PLXNB1: variants seen among roughly 807,000 people sequenced by gnomAD.
The protein encoded by PLXNB1 is plexin B1.
A neutral mutation model predicts 209.4 loss-of-function variants in PLXNB1; 106 were observed. The observed-to-expected ratio is 0.51, with a 90% CI of 0.43 to 0.59. The LOEUF is 0.59. PLXNB1 is among the 20% of genes least tolerant of loss of function. The pLI, the probability that PLXNB1 is intolerant of heterozygous loss-of-function variation, is 0.00. For missense variants in PLXNB1, 2,357 were observed against 2,853.2 expected (o/e 0.83, Z 3.96); for synonymous variants, 1,167 against 1,183.2 (o/e 0.99, Z 0.28).
At position 48,417,355 on chromosome 3, in the gene PLXNB1, C is replaced by A. The variant is rs1012389215; in HGVS notation, c.3374+556G>T. Among the ~76,000 whole-genome samples the A allele has an allele frequency of 6.6e-6, 1 of 152,226 alleles. No homozygotes were observed. Among genetic ancestry groups the A allele is most frequent in the African/African-American group, 2.4e-5 (1 of 41,458 alleles). ...CTTATGGACATCTCCTTAGGAATGT[C>A]CTGCGTGTGTACCTTTGGGGCCTGC... On this transcript the variant is annotated intron_variant, in intron 16 of 37. Transcript: ENST00000296440. This position sits in a 1 kb window ranked among gnomAD's most constrained non-coding sequence, Gnocchi z 4.4.
At chr3:48,412,373 C>G in intron 26 of PLXNB1, 69 bp from the exon 27 acceptor site, 4 of 1,610,630 alleles carry the variant, frequency 2.5e-6, no homozygotes, top group Non-Finnish European at 8.5e-7. Context: ...TCCTGCAGAC[C>G]CCCCAGCCCG....
At position 48,409,266 on chromosome 3, in the gene PLXNB1, G is replaced by A; in HGVS notation, c.6087+63C>T. The A allele has an allele frequency of 6.4e-7, 1 of 1,572,926 alleles. No homozygotes were observed. Among genetic ancestry groups the A allele is most frequent in the Middle Eastern group, 2.1e-4 (1 of 4,692 alleles). Reference sequence around the variant, plus strand: ...AAGTTCTCAGAAAAGCCTGGAATCTGAGTGCACACACAGCACTGTCCACCC... The same window carrying A: ...AAGTTCTCAGAAAAGCCTGGAATCTAAGTGCACACACAGCACTGTCCACCC... On this transcript the variant is annotated intron_variant, in intron 34 of 37. Transcript: ENST00000296440. The surrounding 1 kb of genome is among the most constrained non-coding windows in gnomAD (Gnocchi z 5.8).
At chr3:48,423,035 G>A in intron 3 of PLXNB1, 88 bp from the exon 4 acceptor site, 1 of 1,181,008 alleles carries the variant, frequency 8.5e-7, no homozygotes, top group Non-Finnish European at 1.2e-6. Flanking sequence ...CCCTCCCCCA[G>A]CCGCTCTGGT....
chr3:48,427,812 G>A (rs527559455), intron 1 of PLXNB1, among the ~76,000 whole-genome samples: 125 of 152,308 alleles, frequency 8.2e-4, no homozygotes, highest in African/African-American at 2.7e-3. Context: ...GGCTCCTGAG[G>A]AGGCCGCTGC....
At chr3:48,412,036 C>A (rs370056801) in intron 27 of PLXNB1, 27 bp from the exon 28 acceptor site, 14 of 1,612,956 alleles carry the variant, frequency 8.7e-6, no homozygotes, top group Admixed American at 1.7e-5. Context: ...AGTTAGGGCC[C>A]CCCAGCAGGT....
chr3:48,422,510 C>G (rs1426294270), intron 4 of PLXNB1, 51 bp from the exon 5 acceptor site: 16 of 1,512,112 alleles, frequency 1.1e-5, no homozygotes, highest in Non-Finnish European at 1.4e-5. Flanking sequence ...GCCAGAGGCC[C>G]AAAGCCCTCC....
rs763179558 is a variant in PLXNB1 at position 48,415,143 on chromosome 3, G to A, written c.3966+33C>T. 6 of 1,607,820 alleles carry A rather than the reference G, an allele frequency of 3.7e-6. No individual in the cohort carries two copies. ...TCCCCAGGGTGTGGTATGGGGCAAG[G>A]GGAGAGTGTGGGGGTACCCAAGGGT... is the stretch of plus-strand genomic sequence containing the variant. On this transcript the variant is annotated intron_variant, in intron 20 of 37. Coordinates refer to ENST00000296440, the MANE Select transcript of PLXNB1 (RefSeq NM_001130082.3). This position sits in a 1 kb window ranked among gnomAD's most constrained non-coding sequence, Gnocchi z 5.0.
At chr3:48,425,572 G>C (rs908961643) in intron 1 of PLXNB1, among the ~76,000 whole-genome samples, 2 of 151,870 alleles carry the variant, frequency 1.3e-5, no homozygotes, top group African/African-American at 4.8e-5. Flanking sequence ...GCCTGGGAAA[G>C]GTCAGCTAGG....
rs939631812 is a variant in PLXNB1, at chr3:48,424,259, AC to A, written c.352del (p.Val118SerfsTer39). On this transcript the variant is annotated frameshift_variant, in exon 3 of 38. Transcript: ENST00000296440. LOFTEE classifies it high-confidence loss of function. ...LVVCGSVHQGVCEQRRLGQLE... is the reference protein window; with the variant it reads ...LVVCGSVHQGXCEQRRLGQLE... ...CTGCCCCAGGCGCCGCTGTTCACAGACCCCCTGGTGCACGCTCCCGCATACC... is the reference window on the plus strand; with the variant it reads ...CTGCCCCAGGCGCCGCTGTTCACAGACCCCTGGTGCACGCTCCCGCATACC... The A allele has an allele frequency of 6.3e-7, 1 of 1,599,818 alleles. No individual in the cohort carries two copies. The highest frequency in any genetic ancestry group is 2.3e-5 in the East Asian group (1 of 44,076).
At chr3:48,423,010 C>T in intron 3 of PLXNB1, 63 bp from the exon 4 acceptor site, 2 of 1,458,822 alleles carry the variant, frequency 1.4e-6, no homozygotes, top group Non-Finnish European at 1.9e-6. Flanking sequence ...CGCATCGTCC[C>T]TGGACAACCT....
chr3:48,407,832 G>A (rs1158201966), intron 34 of PLXNB1, among the ~76,000 whole-genome samples: 1 of 152,160 alleles, frequency 6.6e-6, no homozygotes, highest in East Asian at 1.9e-4. Flanking sequence ...CTGGGAAGGG[G>A]AGGTACTGGA....
At position 48,412,255 on chromosome 3, in the gene PLXNB1, G is replaced by A. The variant is rs1342190976; in HGVS notation, c.5083C>T (p.Leu1695=). The A allele has an allele frequency of 6.2e-6, 10 of 1,613,996 alleles. No homozygotes were observed. Among genetic ancestry groups the A allele is most frequent in the Non-Finnish European group, 6.8e-6 (8 of 1,180,028 alleles). The part of the protein sequence containing the change: ...KLLTNWMSIC[L]YTFVRDSVGE... The stretch of plus-strand genomic sequence containing the variant: ...CCCCTCACCCTCACGAAGGTATACA[G>A]ACAGATGGACATCCAGTTGGTGAGC... The change falls in exon 27 of 38, where the codon CTG becomes TTG. Residue 1695 remains leucine (L), a synonymous_variant. Transcript: ENST00000296440.
Position 48,413,149 on chromosome 3 carries a change from A to C in PLXNB1, c.4556T>G (p.Leu1519Arg), listed in dbSNP as rs766567167. The C allele has an allele frequency of 4.3e-6, 7 of 1,612,916 alleles. No individual in the cohort carries two copies. The Admixed American group carries it at 1.2e-4, about 27-fold the overall frequency. Residue 1519 changes from leucine (L) to arginine (R), a missense_variant, in exon 24 of 38, where the codon CTG (leucine) becomes CGG (arginine). Around this residue, in one of 7 missense-constraint regions of PLXNB1, gnomAD observed 743 missense variants for 896.2 expected, o/e 0.83. Coordinates refer to ENST00000296440, the MANE Select transcript of PLXNB1 (RefSeq NM_001130082.3). The surrounding 1 kb of genome is among the most constrained non-coding windows in gnomAD (Gnocchi z 5.4). ...GATCTGAACCTTCTTATAGTCCCTC[A>C]GGGCCTGCTTGCTCTTCCTCCTGCT... ...LMYRRKSKQA[L>R]RDYKKVQIQL... is the part of the protein sequence containing the mutation.
chr3:48,423,047 G>A, intron 3 of PLXNB1, 100 bp from the exon 4 acceptor site: 2 of 1,023,368 alleles, frequency 2.0e-6, no homozygotes, highest in Non-Finnish European at 2.9e-6. Context: ...CGCTCTGGTA[G>A]CTCTCCCTGT....
intron 6 of PLXNB1, 38 bp downstream of exon 6, chr3:48,422,067 G>T: frequency 6.5e-7 from 1 of 1,549,112 alleles, no homozygotes; most frequent in Non-Finnish European, 8.9e-7. Flanking sequence ...AGCATTGTGG[G>T]CTTGAGGCTG....
rs182000547 is a variant in PLXNB1 at position 48,404,002 on chromosome 3, T to C, written c.*484A>G. 3.5e-4 allele frequency: 54 copies of C among 155,524 alleles called. 1 individual carries two copies. The East Asian group carries it at 9.9e-3, about 29-fold the overall frequency. The allele number at this position is 155,524 out of a possible 1,614,324, so 9.6% of individuals were successfully genotyped here. ...GCCCTGCTGAGGGGTCAGTTTGTAGTGGCCTAGGAGAGGCGTTCAACTCTT... is the reference window on the plus strand; with the variant it reads ...GCCCTGCTGAGGGGTCAGTTTGTAGCGGCCTAGGAGAGGCGTTCAACTCTT... On this transcript the variant is annotated 3_prime_UTR_variant, in exon 38 of 38. Transcript: ENST00000296440.
At chr3:48,427,381 G>T (rs999915763) in intron 1 of PLXNB1, among the ~76,000 whole-genome samples, 5 of 152,114 alleles carry the variant, frequency 3.3e-5, no homozygotes, top group Non-Finnish European at 7.4e-5. Context: ...ATGGGTGTCG[G>T]AAGGAGGACA....
In PLXNB1 at chr3:48,419,076, G is replaced by T; in HGVS notation, c.2833-37C>A. The T allele has an allele frequency of 6.2e-7, 1 of 1,609,290 alleles. No individual in the cohort carries two copies. The highest frequency in any genetic ancestry group is 8.5e-7 in the Non-Finnish European group (1 of 1,176,268). The stretch of plus-strand genomic sequence containing the variant: ...GAACACAGCTGTTGGGCAGCTTCAG[G>T]AGCTGGGCCCAGGGAGTCCTGCAGG... On this transcript the variant is annotated intron_variant, in intron 12 of 37. Coordinates refer to ENST00000296440, the MANE Select transcript of PLXNB1 (RefSeq NM_001130082.3). The surrounding 1 kb of genome is among the most constrained non-coding windows in gnomAD (Gnocchi z 5.7).
rs772436683 is a variant in PLXNB1, at chr3:48,409,520, A to G, written c.5940-44T>C. 6.2e-6 allele frequency: 10 copies of G among 1,613,838 alleles called. No individual in the cohort carries two copies. Among genetic ancestry groups the G allele is most frequent in the Middle Eastern group, 1.6e-4 (1 of 6,084 alleles). On this transcript the variant is annotated intron_variant, in intron 33 of 37. Transcript: ENST00000296440. This position sits in a 1 kb window ranked among gnomAD's most constrained non-coding sequence, Gnocchi z 5.8. Reference sequence around the variant, plus strand: ...TGGCCGATGAATGTGCTGGGGAGGCAGAAGAGAAGACCCCCCACACACACC... The same window carrying G: ...TGGCCGATGAATGTGCTGGGGAGGCGGAAGAGAAGACCCCCCACACACACC...
Sources: gnomAD v4.1 joint callset for allele counts (sites outside exome capture counted in the v4.1 genomes callset) on GRCh38, gnomAD v4.1.1 for gene constraint, gnomAD v4.1.1 regional missense constraint, Gnocchi (gnomAD v3.1) non-coding constraint, MANE v1.5 for transcripts, NCBI Gene and HGNC (gene_info 2026-07-23, HGNC 2026-07-21) for gene names.